ARHGEF3: variants seen among roughly 807,000 people sequenced by gnomAD.
The protein encoded by ARHGEF3 is Rho guanine nucleotide exchange factor 3, also known as 59.8 kDA protein.
In ARHGEF3, 28 loss-of-function variants were observed where a neutral mutation model predicts 63.2. The observed-to-expected ratio is 0.44, with a 90% CI of 0.33 to 0.61. ARHGEF3 has a LOEUF of 0.61. Ranked by LOEUF, ARHGEF3 falls within the 20% of genes least tolerant of loss-of-function variation. The probability of loss-of-function intolerance (pLI) is 0.03; values close to 1 mark genes in which losing one functional copy is unlikely to be tolerated. For missense variants in ARHGEF3, 533 were observed against 659.3 expected (o/e 0.81, Z 2.10); for synonymous variants, 266 against 254.2 (o/e 1.05, Z -0.44).
intron 7 of ARHGEF3, among the ~76,000 whole-genome samples, chr3:56,740,927 G>A (rs1296840456): frequency 6.6e-6 from 1 of 152,184 alleles, no homozygotes; most frequent in African/African-American, 2.4e-5. Flanking sequence ...TGAACAACTG[G>A]CATATCACAT....
At chr3:56,803,859 T>A (rs1002932596), upstream of ARHGEF3, among the ~76,000 whole-genome samples, 47 of 151,180 alleles carry the variant, frequency 3.1e-4, no homozygotes, top group African/African-American at 8.9e-4. Flanking sequence ...TATAGTTTTT[T>A]AAAATATTAT....
At chr3:56,982,896 C>T (rs562211971) in intron 2 of ARHGEF3, among the ~76,000 whole-genome samples, 1 of 151,976 alleles carries the variant, frequency 6.6e-6, no homozygotes, top group Non-Finnish European at 1.5e-5. Context: ...GCAACCTGAC[C>T]GTCACCCACC....
chr3:56,987,214 AAAAC>A (rs761133479), intron 2 of ARHGEF3, among the ~76,000 whole-genome samples: 33 of 152,342 alleles, frequency 2.2e-4, no homozygotes, highest in Non-Finnish European at 2.9e-4. Flanking sequence ...CCTGACTCAG[AAAAC>A]AAACAAACAA....
At chr3:56,760,643 G>A (rs897602212) in intron 2 of ARHGEF3, among the ~76,000 whole-genome samples, 3 of 152,178 alleles carry the variant, frequency 2.0e-5, no homozygotes, top group African/African-American at 7.2e-5. Flanking sequence ...AGGAAACTGA[G>A]GTTGAGGGAG....
At chr3:56,755,488 C>G (rs1375243485) in intron 2 of ARHGEF3, among the ~76,000 whole-genome samples, 1 of 152,194 alleles carries the variant, frequency 6.6e-6, no homozygotes, top group Non-Finnish European at 1.5e-5. Context: ...CATCTCCCCT[C>G]TTTAAAAGAA....
intron 4 of ARHGEF3, among the ~76,000 whole-genome samples, chr3:56,872,504 T>C (rs1007780902): frequency 1.4e-5 from 2 of 144,972 alleles, no homozygotes; most frequent in Non-Finnish European, 3.0e-5. Flanking sequence ...TATACCTCTT[T>C]TCATATACTT....
intron 2 of ARHGEF3, among the ~76,000 whole-genome samples, chr3:57,008,459 A>G (rs1438812377): frequency 6.6e-6 from 1 of 151,028 alleles, no homozygotes; most frequent in African/African-American, 2.4e-5. Context: ...GGAGCTCCAG[A>G]GAGCTGGATT....
chr3:56,973,389 T>C (rs992558973), intron 2 of ARHGEF3, among the ~76,000 whole-genome samples: 1 of 151,994 alleles, frequency 6.6e-6, no homozygotes, highest in Non-Finnish European at 1.5e-5. Context: ...ATAAGAGCAG[T>C]AAAGGATGCT....
At chr3:57,037,902 A>C (rs1362671422) in intron 1 of ARHGEF3, among the ~76,000 whole-genome samples, 2 of 110,618 alleles carry the variant, frequency 1.8e-5, no homozygotes, top group African/African-American at 6.4e-5. Flanking sequence ...AAAACAAAAC[A>C]AAACCCATCA....
chr3:57,069,442 C>T (rs1157447708), intron 1 of ARHGEF3, among the ~76,000 whole-genome samples: 3 of 151,656 alleles, frequency 2.0e-5, no homozygotes, highest in Non-Finnish European at 4.4e-5. Context: ...CTCCTCACCC[C>T]AGATGAGTTG....
intron 4 of ARHGEF3, among the ~76,000 whole-genome samples, chr3:56,808,010 G>C (rs947205238): frequency 5.9e-5 from 9 of 152,112 alleles, no homozygotes; most frequent in African/African-American, 2.2e-4. Flanking sequence ...TGTAGTCCTA[G>C]ATACTCGGGA....
At chr3:57,028,880 C>G (rs926518724) in intron 2 of ARHGEF3, among the ~76,000 whole-genome samples, 43 of 151,914 alleles carry the variant, frequency 2.8e-4, no homozygotes, top group Non-Finnish European at 5.6e-4. Flanking sequence ...TAGCCATGCT[C>G]ACTGGAGACC....
At chr3:56,894,036 C>T (rs1288234755) in intron 3 of ARHGEF3, among the ~76,000 whole-genome samples, 1 of 152,130 alleles carries the variant, frequency 6.6e-6, no homozygotes, top group Admixed American at 6.5e-5. Context: ...CCTGGGCAAT[C>T]ACCATTTCCC....
chr3:56,871,023 TTATC>T (rs1466934368), intron 4 of ARHGEF3, among the ~76,000 whole-genome samples: 2 of 152,178 alleles, frequency 1.3e-5, no homozygotes, highest in South Asian at 2.1e-4. Flanking sequence ...ACATATATAT[TTATC>T]TATCTATCTA....
intron 6 of ARHGEF3, among the ~76,000 whole-genome samples, chr3:56,750,829 CCT>C (rs902276655): frequency 6.6e-6 from 1 of 151,174 alleles, no homozygotes; most frequent in Non-Finnish European, 1.5e-5. Context: ...TCCAAAAGGC[CCT>C]GTTACTTTTA....
rs71076013 is a variant in ARHGEF3, at chr3:57,042,651, AATATATATAT to A, written c.-27-7485_-27-7476del. On this transcript the variant is annotated intron_variant, in intron 1 of 12. Transcript: ENST00000338458. ...CCCAGCATAACACTGTATGTACATA[AATATATATAT>A]ATATATATATATATATATATATATA... 2.7e-3 allele frequency among the ~76,000 whole-genome samples: 131 copies of A among 49,284 alleles called. 5 individuals carry two copies. The highest frequency in any genetic ancestry group is 6.2e-3 in the South Asian group (6 of 964). 32.3% of individuals were successfully genotyped at this position (49,284 alleles called of 152,430 possible). A position where few individuals can be genotyped will look rare whatever the true frequency, so the allele number is the denominator to read the frequency against.
rs1703906289 is a variant in ARHGEF3 at position 57,035,303 on chromosome 3, ATTTCC to A, written c.-27-132_-27-128del. ...TACCCAGTGTCCACCAAAATCCAAT[ATTTCC>A]TTCTTCCATAATTATTCAAGTTTTA... On this transcript the variant is annotated intron_variant, in intron 1 of 12. Transcript: ENST00000338458. 4 of 471,640 alleles carry A rather than the reference ATTTCC, an allele frequency of 8.5e-6. No homozygotes were observed. In the South Asian group the frequency reaches 2.4e-4, roughly 28 times the overall value. 29.2% of individuals were successfully genotyped at this position (471,640 alleles called of 1,614,324 possible).
intron 3 of ARHGEF3, among the ~76,000 whole-genome samples, chr3:56,902,714 C>T (rs1022189011): frequency 1.3e-5 from 2 of 152,188 alleles, no homozygotes; most frequent in African/African-American, 4.8e-5. Flanking sequence ...GAAGCTGGCC[C>T]TGGTTTCAGG....
intron 3 of ARHGEF3, among the ~76,000 whole-genome samples, chr3:56,948,742 C>G (rs2106664092): frequency 6.6e-6 from 1 of 152,218 alleles, no homozygotes; most frequent in Middle Eastern, 3.4e-3. Flanking sequence ...CTATTCCAAT[C>G]AACAGAAAAA....
Sources: allele counts gnomAD v4.1 joint callset (sites outside exome capture counted in the v4.1 genomes callset), GRCh38; gene constraint gnomAD v4.1.1; transcripts MANE v1.5; gene names NCBI Gene and HGNC (gene_info 2026-07-23, HGNC 2026-07-21).